AKR1C3: variants seen among roughly 807,000 people sequenced by gnomAD.
AKR1C3 encodes aldo-keto reductase family 1 member C3, also known as 3-alpha hydroxysteroid dehydrogenase, type II.
In AKR1C3, 48 loss-of-function variants were observed where a neutral mutation model predicts 43.6. That is an observed-to-expected ratio of 1.10 (90% CI 0.87 to 1.40). The LOEUF is 1.40. AKR1C3 is among the 40% of genes most tolerant of loss of function. The pLI is 0.00. For missense variants in AKR1C3, 482 were observed against 391.2 expected (o/e 1.23, Z -1.96); for synonymous variants, 162 against 139.6 (o/e 1.16, Z -1.13).
rs1782088949 is a variant in AKR1C3 at position 5,074,074 on chromosome 10, A to G, written c.85-22336A>G. On this transcript the variant is annotated intron_variant, in intron 1 of 8. Coordinates refer to the AKR1C3 transcript ENST00000439082. ...ACCAGAAACTCAAAAGAATGTAACCATTTGTCTCTTATCTATCTATGACCT... is the reference window on the plus strand; with the variant it reads ...ACCAGAAACTCAAAAGAATGTAACCGTTTGTCTCTTATCTATCTATGACCT... 2.6e-5 allele frequency among the ~76,000 whole-genome samples: 4 copies of G among 151,666 alleles called. No homozygotes were observed. The South Asian group carries it at 8.3e-4, about 32-fold the overall frequency.
intron 8 of AKR1C3, among the ~76,000 whole-genome samples, chr10:5,105,940 G>C (rs34335319): frequency 0.011 from 1,619 of 152,278 alleles, 28 homozygotes; most frequent in African/African-American, 0.037. Context: ...AAGTCTGCAC[G>C]TTCCATATAG....
chr10:5,077,853 G>C (rs1169925978), intron 1 of AKR1C3: 1 of 533,708 alleles, frequency 1.9e-6, no homozygotes, highest in Non-Finnish European at 3.2e-6. Flanking sequence ...ACTGTTCTCG[G>C]AGTTATTTCT....
chr10:5,064,267 G>T (rs1452260191), intron 1 of AKR1C3, among the ~76,000 whole-genome samples: 4 of 152,190 alleles, frequency 2.6e-5, no homozygotes, highest in African/African-American at 9.7e-5. Context: ...AGAAGTCCCA[G>T]AAATAATGCT....
chr10:5,100,505 T>TC (rs146927097), intron 5 of AKR1C3, among the ~76,000 whole-genome samples: 9,449 of 152,160 alleles, frequency 0.062, 345 homozygotes, highest in Middle Eastern at 0.085. Flanking sequence ...AGTCCTTTTT[T>TC]CCCCCTGAGT....
chr10:5,063,774 A>AAAAAAAAAAAAAAAAG, intron 1 of AKR1C3, among the ~76,000 whole-genome samples: 1 of 144,846 alleles, frequency 6.9e-6, no homozygotes, highest in Non-Finnish European at 1.5e-5. Context: ...GCAAAAAAAA[A>AAAAAAAAAAAAAAAAG]AAAAAAAAAA....
chr10:5,100,938 A>G (rs573239898), intron 5 of AKR1C3, among the ~76,000 whole-genome samples: 6 of 152,330 alleles, frequency 3.9e-5, no homozygotes, highest in Middle Eastern at 3.4e-3. Context: ...TATTTTCAAA[A>G]TCTCTTTAAA....
chr10:5,079,944 G>T (rs1425288556), intron 1 of AKR1C3, among the ~76,000 whole-genome samples: 4 of 152,210 alleles, frequency 2.6e-5, no homozygotes, highest in Non-Finnish European at 5.9e-5. Flanking sequence ...ACCTGCAGGG[G>T]TATCTGCATG....
intron 1 of AKR1C3, among the ~76,000 whole-genome samples, chr10:5,062,162 C>CAGTGGTTTT (rs1838395516): frequency 6.6e-6 from 1 of 152,166 alleles, no homozygotes; most frequent in Admixed American, 6.5e-5. Flanking sequence ...ATTTTGAGGA[C>CAGTGGTTTT]AGTGGTTTTT....
chr10:5,067,224 T>C (rs1838525448), intron 1 of AKR1C3, among the ~76,000 whole-genome samples: 1 of 152,182 alleles, frequency 6.6e-6, no homozygotes, highest in South Asian at 2.1e-4. Flanking sequence ...CCTTTTCCAT[T>C]TCTATTGTTC....
At chr10:5,097,116 G>T (rs1554785252) in intron 2 of AKR1C3, among the ~76,000 whole-genome samples, 1 of 152,070 alleles carries the variant, frequency 6.6e-6, no homozygotes, top group Non-Finnish European at 1.5e-5. Context: ...ATGGATAGAA[G>T]AATTAGACTG....
rs370758680 is a variant in AKR1C3, at chr10:5,099,452, G to T, written c.570+3G>T. ...AGTACAAGCCTGTCTGCAACCAGGT[G>T]AGCTCCCTTGGCCTTCTCTCCTTTC... On this transcript the variant is annotated splice_donor_region_variant and intron_variant, in intron 5 of 8. Transcript: ENST00000380554. The T allele has an allele frequency of 2.5e-6, 4 of 1,614,142 alleles. No homozygotes were observed. In the South Asian group the frequency reaches 4.4e-5, roughly 18 times the overall value.
rs567764010 is a variant in AKR1C3 at position 5,076,349 on chromosome 10, G to A, written c.85-20061G>A. On this transcript the variant is annotated intron_variant, in intron 1 of 8. Transcript: ENST00000439082. Reference sequence around the variant, plus strand: ...TCATTAATTATTGCTATTATCTCAGGTGAGTTAGTTATCGGAGATTGAAAT... The same window carrying A: ...TCATTAATTATTGCTATTATCTCAGATGAGTTAGTTATCGGAGATTGAAAT... 4.6e-5 allele frequency among the ~76,000 whole-genome samples: 7 copies of A among 152,192 alleles called. No homozygotes were observed. The South Asian group carries it at 1.5e-3, about 32-fold the overall frequency.
intron 1 of AKR1C3, among the ~76,000 whole-genome samples, chr10:5,059,410 C>T (rs1243802361): frequency 6.6e-6 from 1 of 152,138 alleles, no homozygotes; most frequent in Non-Finnish European, 1.5e-5. Flanking sequence ...GGGCGACATG[C>T]CTTTGAGAGT....
At chr10:5,062,262 C>T (rs782314745) in intron 1 of AKR1C3, among the ~76,000 whole-genome samples, 2 of 152,152 alleles carry the variant, frequency 1.3e-5, no homozygotes, top group Non-Finnish European at 2.9e-5. Flanking sequence ...GTCAGGTCTC[C>T]CAGCATGTTT....
At chr10:5,099,036 G>T (rs187964697) in intron 4 of AKR1C3, among the ~76,000 whole-genome samples, 157 bp downstream of exon 4, 38 of 152,278 alleles carry the variant, frequency 2.5e-4, no homozygotes, top group Admixed American at 1.8e-3. Context: ...AAACACAAAA[G>T]GAATGTTTAG....
intron 7 of AKR1C3, among the ~76,000 whole-genome samples, chr10:5,103,873 G>A (rs587775139): frequency 6.2e-4 from 95 of 152,190 alleles, no homozygotes; most frequent in Middle Eastern, 3.4e-3. Context: ...TGTGAGTGTT[G>A]GAGGAAGTGT....
chr10:5,107,394 A>AAATC, intron 8 of AKR1C3, 67 bp from the exon 9 acceptor site: 1 of 1,157,774 alleles, frequency 8.6e-7, no homozygotes, highest in Non-Finnish European at 1.3e-6. Context: ...AGCTTCATTG[A>AAATC]AATCACTTTA....
At position 5,102,159 on chromosome 10, in the gene AKR1C3, A is replaced by G. The variant is rs1839369095; in HGVS notation, c.629A>G (p.Asp210Gly). The change falls in exon 6 of 9, where the codon GAT (aspartate) becomes GGT (glycine). Residue 210 changes from aspartate to glycine, a missense_variant. Coordinates refer to ENST00000380554, the MANE Select transcript of AKR1C3 (RefSeq NM_003739.6). ...TTGCTAGATTTCTGCAAGTCGAAAG[A>G]TATTGTTCTGGTTGCCTATAGTGCT... The part of the protein sequence containing the change: ...SKLLDFCKSK[D>G]IVLVAYSALG... 6.2e-7 allele frequency: 1 copy of G among 1,614,036 alleles called. No individual in the cohort carries two copies. The highest frequency in any genetic ancestry group is 1.1e-5 in the South Asian group (1 of 91,074).
At chr10:5,058,989 G>A (rs188884674) in intron 1 of AKR1C3, among the ~76,000 whole-genome samples, 36 of 152,302 alleles carry the variant, frequency 2.4e-4, no homozygotes, top group African/African-American at 6.0e-4. Context: ...TTACCCTGAC[G>A]GAGGTAAGGG....
Sources: allele counts gnomAD v4.1 joint callset (sites outside exome capture counted in the v4.1 genomes callset), GRCh38; gene constraint gnomAD v4.1.1; transcripts MANE v1.5; gene names NCBI Gene and HGNC (gene_info 2026-07-23, HGNC 2026-07-21).